ZBTB8A: variants seen among roughly 807,000 people sequenced by gnomAD.
ZBTB8A encodes the protein zinc finger and BTB domain containing 8A.
In ZBTB8A, 19 loss-of-function variants were observed where a neutral mutation model predicts 37.8. The observed-to-expected ratio is 0.50, with a 90% CI of 0.35 to 0.74. ZBTB8A has a LOEUF of 0.74. ZBTB8A is among the 30% of genes least tolerant of loss of function. ZBTB8A has a pLI of 0.01. For missense variants in ZBTB8A, 394 were observed against 537.8 expected (o/e 0.73, Z 2.65); for synonymous variants, 181 against 185.2 (o/e 0.98, Z 0.19).
intron 3 of ZBTB8A, among the ~76,000 whole-genome samples, chr1:32,593,962 C>T (rs563569985): frequency 2.6e-5 from 4 of 152,104 alleles, no homozygotes; most frequent in East Asian, 1.9e-4. Context: ...GAGGCTGAGG[C>T]GGGCAGATCA....
intron 1 of ZBTB8A, among the ~76,000 whole-genome samples, chr1:32,543,781 A>G (rs1644078526): frequency 6.6e-6 from 1 of 151,972 alleles, no homozygotes; most frequent in Non-Finnish European, 1.5e-5. Context: ...GGTTCACGCC[A>G]TTCTCCTGCC....
rs1289506387 is a variant in ZBTB8A, at chr1:32,604,878, C to G, written c.*4459C>G. The stretch of plus-strand genomic sequence containing the variant: ...TAAGGTGTGTTTAACTGGCCGGGCA[C>G]GGTGGCTCATGCCTGTAATCCTAGC... On this transcript the variant is annotated 3_prime_UTR_variant, in exon 5 of 5. Transcript: ENST00000373510. The G allele has an allele frequency of 6.6e-6, 1 of 151,956 alleles. No individual in the cohort carries two copies. Among genetic ancestry groups the G allele is most frequent in the Non-Finnish European group, 1.5e-5 (1 of 68,022 alleles). 9.4% of individuals were successfully genotyped at this position (151,956 alleles called of 1,614,324 possible).
At chr1:32,542,536 T>C (rs1379244221) in intron 1 of ZBTB8A, among the ~76,000 whole-genome samples, 1 of 152,182 alleles carries the variant, frequency 6.6e-6, no homozygotes, top group African/African-American at 2.4e-5. Flanking sequence ...ATTGCGCCAC[T>C]GCACTCTAGC....
intron 3 of ZBTB8A, 139 bp from the exon 4 acceptor site, chr1:32,594,915 C>T (rs1015412092): frequency 2.6e-5 from 24 of 916,710 alleles, no homozygotes; most frequent in Non-Finnish European, 3.7e-5. Flanking sequence ...CTAACCAACT[C>T]CTTGTGAATT....
At chr1:32,577,922 G>T in intron 2 of ZBTB8A, among the ~76,000 whole-genome samples, 1 of 150,558 alleles carries the variant, frequency 6.6e-6, no homozygotes. Flanking sequence ...TTTTTTTTTT[G>T]AAAGGGAGTG....
At chr1:32,570,485 C>T (rs1269793396) in intron 2 of ZBTB8A, among the ~76,000 whole-genome samples, 2 of 152,178 alleles carry the variant, frequency 1.3e-5, no homozygotes, top group African/African-American at 4.8e-5. Flanking sequence ...TTACATTAAT[C>T]CTGTACGTCC....
At chr1:32,545,263 T>A (rs1318526731) in intron 1 of ZBTB8A, among the ~76,000 whole-genome samples, 1 of 152,200 alleles carries the variant, frequency 6.6e-6, no homozygotes, top group African/African-American at 2.4e-5. Context: ...TAAAAAATTA[T>A]TGTAGCAAAC....
At chr1:32,540,593 C>T (rs1644045060) in intron 1 of ZBTB8A, among the ~76,000 whole-genome samples, 1 of 150,588 alleles carries the variant, frequency 6.6e-6, no homozygotes, top group South Asian at 2.1e-4. Context: ...CCTGCCTTCC[C>T]TCCTAAGGCA....
chr1:32,545,368 CTATT>C (rs1644094754), intron 1 of ZBTB8A, among the ~76,000 whole-genome samples: 1 of 152,058 alleles, frequency 6.6e-6, no homozygotes, highest in Non-Finnish European at 1.5e-5. Flanking sequence ...GTGCTTATTT[CTATT>C]TGTCTTATTT....
chr1:32,587,739 T>C (rs1644459957), intron 2 of ZBTB8A, among the ~76,000 whole-genome samples: 1 of 152,072 alleles, frequency 6.6e-6, no homozygotes, highest in Admixed American at 6.6e-5. Context: ...TGATATCTTT[T>C]TGTATGCTCG....
rs1484150103 is a variant in ZBTB8A at position 32,593,472 on chromosome 1, A to G, written c.541A>G (p.Asn181Asp). Reference sequence around the variant, plus strand: ...AGGTATAATAAGTGGAAAATCTTGGAATAAGTATAATTATCATCCAGCCTC... The same window carrying G: ...AGGTATAATAAGTGGAAAATCTTGGGATAAGTATAATTATCATCCAGCCTC... The part of the protein sequence containing the change: ...GTGIISGKSW[N>D]KYNYHPASQK... The change falls in exon 3 of 5, where the codon AAT becomes GAT. Residue 181 changes from asparagine to aspartate, a missense_variant. Coordinates refer to ENST00000373510, the MANE Select transcript of ZBTB8A (RefSeq NM_001040441.3). 1.9e-6 allele frequency: 3 copies of G among 1,613,958 alleles called. No homozygotes were observed. In the African/African-American group the frequency reaches 4.0e-5, roughly 22 times the overall value.
chr1:32,550,957 C>CAA lies in ZBTB8A; in HGVS notation c.-83-2486_-83-2485dup, dbSNP rs530419945. 1.1e-3 allele frequency among the ~76,000 whole-genome samples: 74 copies of CAA among 69,102 alleles called. 2 individuals carry two copies. The South Asian group carries it at 0.027, about 25-fold the overall frequency. The allele number at this position is 69,102 out of a possible 152,430, so 45.3% of individuals were successfully genotyped here. On this transcript the variant is annotated intron_variant, in intron 1 of 4. Transcript: ENST00000373510. ...GGGCAACAGGAGCGAGACTCCGTCT[C>CAA]AAAAAAAAAAAAAAAAAGCCACAAA...
intron 1 of ZBTB8A, among the ~76,000 whole-genome samples, chr1:32,542,787 G>A (rs1036127876): frequency 6.6e-6 from 1 of 152,032 alleles, no homozygotes; most frequent in Non-Finnish European, 1.5e-5. Context: ...ATATTCTTGG[G>A]ACTATTATAA....
chr1:32,547,492 G>T, intron 1 of ZBTB8A, among the ~76,000 whole-genome samples: 1 of 150,358 alleles, frequency 6.7e-6, no homozygotes. Context: ...TGAGTAGCTG[G>T]GACTACAGGT....
At chr1:32,581,963 C>T (rs760300891) in intron 2 of ZBTB8A, among the ~76,000 whole-genome samples, 1 of 152,080 alleles carries the variant, frequency 6.6e-6, no homozygotes, top group Non-Finnish European at 1.5e-5. Flanking sequence ...TTACCTCCAC[C>T]TGGTCCTACC....
At chr1:32,563,457 T>A (rs577849308) in intron 2 of ZBTB8A, among the ~76,000 whole-genome samples, 1 of 152,258 alleles carries the variant, frequency 6.6e-6, no homozygotes, top group Non-Finnish European at 1.5e-5. Flanking sequence ...CTTTTTCTTT[T>A]TCTTTCTTTT....
chr1:32,539,770 C>CACGGAGGAG (rs1644035466), intron 1 of ZBTB8A, among the ~76,000 whole-genome samples, 198 bp downstream of exon 1: 1 of 146,156 alleles, frequency 6.8e-6, no homozygotes, highest in African/African-American at 2.5e-5. Context: ...GGACAATGGC[C>CACGGAGGAG]GCGCCGTCGC....
chr1:32,575,854 G>A (rs186179181), intron 2 of ZBTB8A, among the ~76,000 whole-genome samples: 1 of 152,092 alleles, frequency 6.6e-6, no homozygotes, highest in Non-Finnish European at 1.5e-5. Flanking sequence ...CCCTATCCCT[G>A]AAACAAACAA....
At chr1:32,561,246 T>C (rs112341735) in intron 2 of ZBTB8A, among the ~76,000 whole-genome samples, 1 of 152,212 alleles carries the variant, frequency 6.6e-6, no homozygotes, top group East Asian at 1.9e-4. Flanking sequence ...CTATATCTTC[T>C]GCCTAGAATG....
Sources: allele counts gnomAD v4.1 joint callset (sites outside exome capture counted in the v4.1 genomes callset), GRCh38; gene constraint gnomAD v4.1.1; transcripts MANE v1.5; gene names NCBI Gene and HGNC (gene_info 2026-07-23, HGNC 2026-07-21).